The following NCOA2 variants were observed in gnomAD, a reference collection of about 807,000 sequenced individuals.
NCOA2 encodes nuclear receptor coactivator 2.
In NCOA2, 21 loss-of-function variants were observed where a neutral mutation model predicts 145.1. The ratio of observed to expected loss-of-function variants is 0.14; its 90% CI spans 0.10 to 0.21. The LOEUF is 0.21. NCOA2 is among the 10% of genes least tolerant of loss of function. NCOA2 has a pLI of 1.00. For synonymous variants in NCOA2, 619 were observed against 637.5 expected, an observed-to-expected ratio of 0.97 and a Z score of 0.44; for missense variants, 1,472 against 1,837.6, an observed-to-expected ratio of 0.80 and a Z score of 3.64.
chr8:70,129,388 G>A (rs1808823424), intron 16 of NCOA2, among the ~76,000 whole-genome samples: 1 of 152,076 alleles, frequency 6.6e-6, no homozygotes, highest in South Asian at 2.1e-4. Context: ...AACCTCTTTG[G>A]CACCTGACTG....
Position 70,257,932 on chromosome 8 carries a change from T to G in NCOA2, c.-20+38812A>C, listed in dbSNP as rs558289244. On this transcript the variant is annotated intron_variant, in intron 2 of 22. Coordinates refer to ENST00000452400, the MANE Select transcript of NCOA2 (RefSeq NM_006540.4). ...GTCTTTTTTCTTTTCTTTTTTCTTT[T>G]TTTGAGACTCTGTCTCGCTCTGTCA... Among the ~76,000 whole-genome samples, 7 of 152,274 alleles carry G rather than the reference T, an allele frequency of 4.6e-5. No homozygotes were observed. In the East Asian group the frequency reaches 1.3e-3, roughly 29 times the overall value.
intron 1 of NCOA2, among the ~76,000 whole-genome samples, chr8:70,333,866 C>T (rs1807317002): frequency 1.3e-5 from 2 of 152,222 alleles, no homozygotes; most frequent in African/African-American, 2.4e-5. Context: ...GCAATAAATG[C>T]TTTGCAAATA....
chr8:70,373,003 C>T (rs574049663), intron 1 of NCOA2, among the ~76,000 whole-genome samples: 1 of 152,080 alleles, frequency 6.6e-6, no homozygotes, highest in Non-Finnish European at 1.5e-5. Context: ...TGTATTCAAC[C>T]ATTTACTCTA....
At chr8:70,310,267 CT>C (rs1828213165) in intron 1 of NCOA2, among the ~76,000 whole-genome samples, 1 of 147,460 alleles carries the variant, frequency 6.8e-6, no homozygotes, top group Non-Finnish European at 1.5e-5. Context: ...TTGCTTGAAT[CT>C]AGGAGGCAGA....
At chr8:70,176,480 T>C (rs1406406852) in intron 4 of NCOA2, among the ~76,000 whole-genome samples, 1 of 152,146 alleles carries the variant, frequency 6.6e-6, no homozygotes, top group Admixed American at 6.5e-5. Flanking sequence ...CTTGGTCTCA[T>C]TCCAATTCCT....
intron 1 of NCOA2, among the ~76,000 whole-genome samples, chr8:70,348,932 G>A (rs114891340): frequency 0.012 from 1,725 of 149,400 alleles, 41 homozygotes; most frequent in African/African-American, 0.04. Flanking sequence ...AGCTTGGATT[G>A]CATAAGATCA....
intron 2 of NCOA2, among the ~76,000 whole-genome samples, chr8:70,222,375 T>C (rs962594857): frequency 6.6e-6 from 1 of 152,202 alleles, no homozygotes; most frequent in African/African-American, 2.4e-5. Flanking sequence ...CAACCACAAC[T>C]AGTCTCTAGG....
the NCOA2 span, among the ~76,000 whole-genome samples, chr8:70,414,779 C>T: frequency 6.6e-6 from 1 of 152,126 alleles, no homozygotes; most frequent in Non-Finnish European, 1.5e-5. Context: ...ATTGTTTGTG[C>T]TTTCCATCTA....
At chr8:70,440,467 G>A in the NCOA2 span, among the ~76,000 whole-genome samples, 6 of 152,014 alleles carry the variant, frequency 3.9e-5, no homozygotes, top group Non-Finnish European at 5.9e-5. Flanking sequence ...CCAGCTACTC[G>A]GGAGGCTGAG....
At chr8:70,162,953 C>T (rs182406439) in intron 8 of NCOA2, 99 bp from the exon 9 acceptor site, 14 of 1,219,060 alleles carry the variant, frequency 1.1e-5, no homozygotes, top group Middle Eastern at 3.1e-4. Context: ...CTCACTCTAT[C>T]GTCCAGGCTG....
chr8:70,233,548 C>T (rs1263035481), intron 2 of NCOA2, among the ~76,000 whole-genome samples: 1 of 152,180 alleles, frequency 6.6e-6, no homozygotes, highest in African/African-American at 2.4e-5. Context: ...CATATTACCC[C>T]ATTAAATCTG....
intron 2 of NCOA2, among the ~76,000 whole-genome samples, chr8:70,271,816 T>A (rs911309022): frequency 3.9e-5 from 6 of 152,334 alleles, no homozygotes; most frequent in Admixed American, 2.0e-4. Context: ...TCAACCCACA[T>A]GTTTGCAAAC....
chr8:70,120,393 T>C (rs1161400278), intron 22 of NCOA2, among the ~76,000 whole-genome samples: 1 of 152,000 alleles, frequency 6.6e-6, no homozygotes, highest in Non-Finnish European at 1.5e-5. Context: ...ACAGTTTCAT[T>C]GGCTGAACAT....
At chr8:70,428,853 C>A in the NCOA2 span, among the ~76,000 whole-genome samples, 1 of 99,056 alleles carries the variant, frequency 1.0e-5, no homozygotes. Flanking sequence ...GTGCCCATGC[C>A]GAGCTAATTT....
At chr8:70,375,605 T>C (rs1318871122) in intron 1 of NCOA2, among the ~76,000 whole-genome samples, 1 of 152,226 alleles carries the variant, frequency 6.6e-6, no homozygotes, top group Non-Finnish European at 1.5e-5. Flanking sequence ...CAGGTCACTG[T>C]AATGTTGCTA....
intron 1 of NCOA2, among the ~76,000 whole-genome samples, chr8:70,330,216 A>AATGATGATGATG (rs57235614): frequency 0.014 from 2,043 of 150,890 alleles, 48 homozygotes; most frequent in African/African-American, 0.046. Context: ...TGATGATGAT[A>AATGATGATGATG]ATGATGATGA....
intron 1 of NCOA2, among the ~76,000 whole-genome samples, chr8:70,343,476 C>G (rs1370414366): frequency 6.6e-6 from 1 of 151,690 alleles, no homozygotes; most frequent in Non-Finnish European, 1.5e-5. Context: ...CATTAAGGAT[C>G]TAGTATCACT....
At chr8:70,183,014 C>T (rs1021994189) in intron 4 of NCOA2, among the ~76,000 whole-genome samples, 1 of 152,144 alleles carries the variant, frequency 6.6e-6, no homozygotes, top group African/African-American at 2.4e-5. Flanking sequence ...GATAATGGTG[C>T]ATCTCTATTT....
At chr8:70,234,926 T>C (rs1244586440) in intron 2 of NCOA2, among the ~76,000 whole-genome samples, 4 of 152,166 alleles carry the variant, frequency 2.6e-5, no homozygotes, top group Admixed American at 6.5e-5. Context: ...ATAAAAACCA[T>C]CTGATTTTCA....
Sources: allele counts gnomAD v4.1 joint callset (sites outside exome capture counted in the v4.1 genomes callset), GRCh38; gene constraint gnomAD v4.1.1; transcripts MANE v1.5; gene names NCBI Gene and HGNC (gene_info 2026-07-23, HGNC 2026-07-21).